The following CFAP300 variants were observed in gnomAD, a reference collection of about 807,000 sequenced individuals.
The protein encoded by CFAP300 is cilia and flagella associated protein 300, also known as cilia- and flagella-associated protein 300.
In CFAP300, 32 loss-of-function variants were observed where a neutral mutation model predicts 33.0. The ratio of observed to expected loss-of-function variants is 0.97; its 90% CI spans 0.73 to 1.30. The LOEUF (loss-of-function observed/expected upper bound fraction) is 1.30, where lower values mean the gene tolerates loss of function less well. Ranked by LOEUF, CFAP300 falls within the 50% of genes most tolerant of loss-of-function variation. The pLI is 0.00. For missense variants in CFAP300, 356 were observed against 318.1 expected, an observed-to-expected ratio of 1.12 and a Z score of -0.90; for synonymous variants, 102 against 106.8, an observed-to-expected ratio of 0.95 and a Z score of 0.28.
chr11:102,057,025 A>G (rs1416229188), intron 2 of CFAP300, among the ~76,000 whole-genome samples: 1 of 152,098 alleles, frequency 6.6e-6, no homozygotes, highest in Non-Finnish European at 1.5e-5. Flanking sequence ...ACATGAGAAA[A>G]GAAAAATAAT....
chr11:102,062,446 C>G (rs1019298278), intron 3 of CFAP300, among the ~76,000 whole-genome samples: 62 of 152,010 alleles, frequency 4.1e-4, no homozygotes, highest in Non-Finnish European at 2.9e-5. Context: ...GGTGATAGCG[C>G]CCAAGGAAAT....
At chr11:102,073,122 C>T (rs1333571007) in intron 4 of CFAP300, among the ~76,000 whole-genome samples, 2 of 152,146 alleles carry the variant, frequency 1.3e-5, no homozygotes, top group Non-Finnish European at 2.9e-5. Flanking sequence ...GCAGCTTGCT[C>T]ATGTGCCAGC....
chr11:102,064,940 G>A (rs897396807), intron 3 of CFAP300, among the ~76,000 whole-genome samples: 1 of 152,026 alleles, frequency 6.6e-6, no homozygotes, highest in African/African-American at 2.4e-5. Flanking sequence ...TGGAGGATGG[G>A]GCAAAACTAA....
intron 3 of CFAP300, among the ~76,000 whole-genome samples, chr11:102,063,545 G>C (rs1431558235): frequency 1.3e-5 from 2 of 152,150 alleles, no homozygotes; most frequent in Non-Finnish European, 2.9e-5. Context: ...AAAATTTTGG[G>C]AGCAGGACAA....
chr11:102,057,580 C>CTT (rs1942078988), intron 2 of CFAP300, among the ~76,000 whole-genome samples: 1 of 152,120 alleles, frequency 6.6e-6, no homozygotes, highest in Non-Finnish European at 1.5e-5. Context: ...TGTCCAGCAC[C>CTT]TTGTAAACAA....
At chr11:102,073,934 G>A (rs1217130993) in intron 4 of CFAP300, among the ~76,000 whole-genome samples, 1 of 152,172 alleles carries the variant, frequency 6.6e-6, no homozygotes, top group East Asian at 1.9e-4. Context: ...GTGGTGGCAA[G>A]GTTGCTATCA....
At position 102,068,877 on chromosome 11, in the gene CFAP300, T is replaced by C. The variant is rs188711234; in HGVS notation, c.435+2226T>C. Among the ~76,000 whole-genome samples, 3 of 152,306 alleles carry C rather than the reference T, an allele frequency of 2.0e-5. No homozygotes were observed. The East Asian group carries it at 5.8e-4, about 29-fold the overall frequency. On this transcript the variant is annotated intron_variant, in intron 4 of 6. Coordinates refer to ENST00000434758, the MANE Select transcript of CFAP300 (RefSeq NM_032930.3). ...ACTTCTCCTTACCAAGGATTGGAAA[T>C]TACTAATCAGGAAATGTTTGGTCTG...
intron 4 of CFAP300, among the ~76,000 whole-genome samples, chr11:102,070,488 A>C (rs1425747470): frequency 1.3e-5 from 2 of 152,122 alleles, no homozygotes; most frequent in Non-Finnish European, 2.9e-5. Context: ...TGTAATGTAC[A>C]ATTTTGATAG....
chr11:102,075,985 A>G lies in CFAP300; in HGVS notation c.548A>G (p.Tyr183Cys), dbSNP rs1285462711. The change falls in exon 5 of 7, where the codon TAT becomes TGT. Residue 183 changes from tyrosine (Y) to cysteine (C), a missense_variant. Tyr to Cys is a radical substitution (Grantham distance 194). Transcript: ENST00000434758. ...TGCCTTGGTGGAGCCCTTTGTCAATATGAGGATGTGATTAGCCCATATCTG... is the reference window on the plus strand; with the variant it reads ...TGCCTTGGTGGAGCCCTTTGTCAATGTGAGGATGTGATTAGCCCATATCTG... Reference protein sequence around the residue: ...HLCLGGALCQYEDVISPYLET... With the variant: ...HLCLGGALCQCEDVISPYLET... 6.2e-7 allele frequency: 1 copy of G among 1,613,846 alleles called. No homozygotes were observed. Among genetic ancestry groups the G allele is most frequent in the Non-Finnish European group, 8.5e-7 (1 of 1,179,926 alleles).
Position 102,066,569 on chromosome 11 carries a change from A to T in CFAP300, c.353A>T (p.Asp118Val), listed in dbSNP as rs1050884832. 2.5e-6 allele frequency: 4 copies of T among 1,611,804 alleles called. No homozygotes were observed. The African/African-American group carries it at 4.0e-5, about 16-fold the overall frequency. Residue 118 changes from aspartate to valine, a missense_variant, in exon 4 of 7, where the codon GAT (aspartate) becomes GTT (valine). Asp to Val is a radical substitution (Grantham distance 152, BLOSUM62 -3). Transcript: ENST00000434758. ...TTTTTTCATCGGTTATATGATGAAG[A>T]TATTGTACGAGACAGTGGACATATT... ...MSFFHRLYDEDIVRDSGHIVK... is the reference protein window; with the variant it reads ...MSFFHRLYDEVIVRDSGHIVK...
chr11:102,064,123 A>T (rs1942189675), intron 3 of CFAP300, among the ~76,000 whole-genome samples: 1 of 152,184 alleles, frequency 6.6e-6, no homozygotes, highest in Non-Finnish European at 1.5e-5. Context: ...GTCTCAATAT[A>T]TGAATTTTGA....
intron 5 of CFAP300, among the ~76,000 whole-genome samples, chr11:102,080,323 A>G (rs1043730945): frequency 6.6e-6 from 1 of 152,124 alleles, no homozygotes; most frequent in African/African-American, 2.4e-5. Context: ...GAGTAACTGA[A>G]AGAAAACTAC....
chr11:102,066,746 G>T (rs1055672332), intron 4 of CFAP300, 95 bp downstream of exon 4: 181 of 1,004,170 alleles, frequency 1.8e-4, no homozygotes, highest in Non-Finnish European at 2.6e-4. Flanking sequence ...AAAATACCTT[G>T]TCATAAAATA....
intron 4 of CFAP300, among the ~76,000 whole-genome samples, chr11:102,073,431 G>C (rs1319333443): frequency 6.6e-6 from 1 of 152,182 alleles, no homozygotes; most frequent in Non-Finnish European, 1.5e-5. Context: ...CCAGAGTCCT[G>C]GGTGTGCTTG....
chr11:102,051,789 T>C (rs1941975772), intron 2 of CFAP300, among the ~76,000 whole-genome samples: 1 of 152,210 alleles, frequency 6.6e-6, no homozygotes, highest in African/African-American at 2.4e-5. Context: ...GCTCAAGCAA[T>C]TCTCCTGCCT....
chr11:102,060,515 CACTT>C (rs1942134522), intron 3 of CFAP300, among the ~76,000 whole-genome samples: 1 of 152,060 alleles, frequency 6.6e-6, no homozygotes, highest in African/African-American at 2.4e-5. Context: ...TAGTAGCACT[CACTT>C]AAGTCCCTTC....
chr11:102,079,565 C>T (rs1013683515), intron 5 of CFAP300, among the ~76,000 whole-genome samples: 2 of 152,154 alleles, frequency 1.3e-5, no homozygotes, highest in Admixed American at 6.6e-5. Context: ...ACAAGCTCAA[C>T]CATACATACA....
At chr11:102,047,761 C>A (rs1339906539) in intron 1 of CFAP300, 54 bp from the exon 2 acceptor site, 5 of 1,586,646 alleles carry the variant, frequency 3.2e-6, no homozygotes, top group Non-Finnish European at 4.3e-6. Flanking sequence ...GTTATCGGTG[C>A]GCTCTGAGAG....
intron 2 of CFAP300, among the ~76,000 whole-genome samples, chr11:102,055,446 C>G (rs986842621): frequency 6.7e-6 from 1 of 148,476 alleles, no homozygotes; most frequent in African/African-American, 2.5e-5. Flanking sequence ...AACCTCCACT[C>G]CCCTGGGCTT....
Sources: gnomAD v4.1 joint callset for allele counts (sites outside exome capture counted in the v4.1 genomes callset) on GRCh38, gnomAD v4.1.1 for gene constraint, MANE v1.5 for transcripts, NCBI Gene and HGNC (gene_info 2026-07-23, HGNC 2026-07-21) for gene names.